The following ARMC3 variants were observed in gnomAD, a reference collection of about 807,000 sequenced individuals.
The protein encoded by ARMC3 is armadillo repeat containing 3, also known as armadillo repeat-containing protein 3.
A neutral mutation model predicts 90.3 loss-of-function variants in ARMC3; 74 were observed. The observed-to-expected ratio is 0.82, with a 90% CI of 0.68 to 0.99. ARMC3 has a LOEUF of 0.99. ARMC3 is among the 50% of genes least tolerant of loss of function. ARMC3 has a pLI of 0.00. For synonymous variants in ARMC3, 334 were observed against 361.8 expected (o/e 0.92, Z 0.87); for missense variants, 958 against 1,042.8 (o/e 0.92, Z 1.12).
At chr10:23,001,850 AT>A (rs1455334010) in intron 11 of ARMC3, 68 bp from the exon 12 acceptor site, 2 of 1,510,536 alleles carry the variant, frequency 1.3e-6, no homozygotes, top group Admixed American at 2.0e-5. Context: ...AAATAATGAG[AT>A]TTTTTTAAAA....
intron 8 of ARMC3, among the ~76,000 whole-genome samples, chr10:22,974,015 C>A (rs571266259): frequency 7.9e-5 from 12 of 152,140 alleles, no homozygotes; most frequent in Admixed American, 6.5e-4. Flanking sequence ...ACCTCGGCCT[C>A]CCAGAGTGCT....
Position 22,959,058 on chromosome 10 carries a change from C to G in ARMC3, c.293-12C>G, listed in dbSNP as rs1255708164. On this transcript the variant is annotated splice_polypyrimidine_tract_variant and intron_variant, in intron 4 of 18. Transcript: ENST00000298032. ...ATTAATAAACATCAATACTCTGTTTCTTCCTTTGTAGATGATGTTAAAAAA... is the reference window on the plus strand; with the variant it reads ...ATTAATAAACATCAATACTCTGTTTGTTCCTTTGTAGATGATGTTAAAAAA... 6.3e-7 allele frequency: 1 copy of G among 1,585,412 alleles called. No homozygotes were observed. Among genetic ancestry groups the G allele is most frequent in the Non-Finnish European group, 8.7e-7 (1 of 1,153,978 alleles).
chr10:23,000,359 A>G (rs1435883477), intron 11 of ARMC3, among the ~76,000 whole-genome samples: 3 of 152,000 alleles, frequency 2.0e-5, no homozygotes, highest in Non-Finnish European at 4.4e-5. Context: ...CCTGTCCCCC[A>G]GAAGGCCTTT....
intron 3 of ARMC3, among the ~76,000 whole-genome samples, chr10:22,950,076 T>C (rs1834684194): frequency 6.6e-6 from 1 of 152,016 alleles, no homozygotes; most frequent in Non-Finnish European, 1.5e-5. Context: ...TAATGTTTTT[T>C]TTCCAAATAT....
At position 22,949,293 on chromosome 10, in the gene ARMC3, CATA is replaced by C. The variant is rs145554880; in HGVS notation, c.166+3037_166+3039del. Among the ~76,000 whole-genome samples, 154 of 151,988 alleles carry C rather than the reference CATA, an allele frequency of 1.0e-3. 1 individual carries two copies. The highest frequency in any genetic ancestry group is 1.8e-3 in the Non-Finnish European group (122 of 67,962). ...GGCATGAAAAAAAGCAGAAAAAACG[CATA>C]ATAAGATATATATCAATGAGTAAAT... On this transcript the variant is annotated intron_variant, in intron 3 of 18. Coordinates refer to ENST00000298032, the MANE Select transcript of ARMC3 (RefSeq NM_173081.5).
chr10:22,972,757 C>G (rs1392111971), intron 8 of ARMC3, among the ~76,000 whole-genome samples: 1 of 152,106 alleles, frequency 6.6e-6, no homozygotes, highest in Non-Finnish European at 1.5e-5. Context: ...TTTATTATAC[C>G]CTCCTTGAAA....
chr10:23,017,742 G>A (rs913088141), intron 16 of ARMC3, among the ~76,000 whole-genome samples: 45 of 152,306 alleles, frequency 3.0e-4, no homozygotes, highest in African/African-American at 1.1e-3. Context: ...TTCCAGCCTG[G>A]GCAACAGAGC....
chr10:22,936,786 A>C (rs1031734043), intron 2 of ARMC3, among the ~76,000 whole-genome samples: 8 of 152,200 alleles, frequency 5.3e-5, no homozygotes, highest in Admixed American at 2.0e-4. Flanking sequence ...TAGGAGAAAC[A>C]AATGTCATGC....
intron 10 of ARMC3, among the ~76,000 whole-genome samples, chr10:22,989,572 A>G (rs921324004): frequency 6.6e-6 from 1 of 152,158 alleles, no homozygotes; most frequent in Non-Finnish European, 1.5e-5. Context: ...GTATCTTGCA[A>G]GATAGCTAAT....
chr10:22,975,446 TC>T (rs1410873657), intron 8 of ARMC3, among the ~76,000 whole-genome samples: 1 of 152,122 alleles, frequency 6.6e-6, no homozygotes, highest in East Asian at 1.9e-4. Flanking sequence ...ATGCTTGTAA[TC>T]CCAGCTACTC....
At chr10:22,964,750 GT>G (rs796607279) in intron 7 of ARMC3, among the ~76,000 whole-genome samples, 345 of 143,358 alleles carry the variant, frequency 2.4e-3, no homozygotes, top group Admixed American at 5.4e-3. Flanking sequence ...CCCCCGTAGT[GT>G]TTTTTTTTTT....
chr10:23,020,381 C>T (rs1315175557), intron 16 of ARMC3, among the ~76,000 whole-genome samples: 1 of 152,152 alleles, frequency 6.6e-6, no homozygotes, highest in Non-Finnish European at 1.5e-5. Context: ...GTGATCCACT[C>T]GCCTTGGACT....
intron 3 of ARMC3, among the ~76,000 whole-genome samples, chr10:22,948,139 C>T (rs1834611438): frequency 1.3e-5 from 2 of 152,200 alleles, no homozygotes; most frequent in East Asian, 1.9e-4. Flanking sequence ...ATAATACTCA[C>T]CTTGCTTTGT....
chr10:22,962,111 G>T, intron 7 of ARMC3, 33 bp downstream of exon 7: 1 of 1,411,530 alleles, frequency 7.1e-7, no homozygotes, highest in Non-Finnish European at 9.5e-7. Context: ...CCCTCTATGA[G>T]GAAATGTATC....
intron 15 of ARMC3, 105 bp from the exon 16 acceptor site, chr10:23,008,710 T>C: frequency 1.1e-6 from 1 of 914,848 alleles, no homozygotes; most frequent in Non-Finnish European, 1.7e-6. Flanking sequence ...GAAGTAAAAA[T>C]TGTATAATGA....
chr10:22,943,401 G>T (rs184796652), intron 2 of ARMC3, among the ~76,000 whole-genome samples: 3 of 152,178 alleles, frequency 2.0e-5, no homozygotes, highest in Non-Finnish European at 4.4e-5. Context: ...TTCTGGCAGT[G>T]TGGAACTTTG....
At chr10:22,941,495 C>A (rs563024790) in intron 2 of ARMC3, among the ~76,000 whole-genome samples, 1 of 152,074 alleles carries the variant, frequency 6.6e-6, no homozygotes, top group Non-Finnish European at 1.5e-5. Context: ...GAGAATGTGT[C>A]CATTCTGTGA....
intron 10 of ARMC3, among the ~76,000 whole-genome samples, chr10:22,988,401 C>T (rs1363580488): frequency 1.3e-5 from 2 of 152,156 alleles, no homozygotes; most frequent in Non-Finnish European, 2.9e-5. Flanking sequence ...GGGGCATGAT[C>T]TTAATGATTT....
In ARMC3 at chr10:23,003,320, A is replaced by G. The variant is rs1837408971; in HGVS notation, c.1637A>G (p.Lys546Arg). Residue 546 changes from lysine (K) to arginine (R), a missense_variant, in exon 13 of 19, where the codon AAG becomes AGG. Coordinates refer to ENST00000298032, the MANE Select transcript of ARMC3 (RefSeq NM_173081.5). ...AAATTCAGTGAGGCAGCTTATAATA[A>G]GTTGCTCAATAACAATCTTTCCCTG... is the stretch of plus-strand genomic sequence containing the variant. Reference protein sequence around the residue: ...KNKFSEAAYNKLLNNNLSLKY... With the variant: ...KNKFSEAAYNRLLNNNLSLKY... 3 of 1,613,714 alleles carry G rather than the reference A, an allele frequency of 1.9e-6. No individual in the cohort carries two copies. The highest frequency in any genetic ancestry group is 2.5e-6 in the Non-Finnish European group (3 of 1,179,838).
Sources: gnomAD v4.1 joint callset for allele counts (sites outside exome capture counted in the v4.1 genomes callset) on GRCh38, gnomAD v4.1.1 for gene constraint, MANE v1.5 for transcripts, NCBI Gene and HGNC (gene_info 2026-07-23, HGNC 2026-07-21) for gene names.